The following PPP1R17 variants were observed in gnomAD, a reference collection of about 807,000 sequenced individuals.
The protein encoded by PPP1R17 is G-substrate.
In PPP1R17, 12 loss-of-function variants were observed where a neutral mutation model predicts 15.9. That is an observed-to-expected ratio of 0.75 (90% CI 0.48 to 1.22). The LOEUF (loss-of-function observed/expected upper bound fraction) is 1.22, where lower values mean the gene tolerates loss of function less well. Ranked by LOEUF, PPP1R17 falls within the 50% of genes most tolerant of loss-of-function variation. The pLI, the probability that PPP1R17 is intolerant of heterozygous loss-of-function variation, is 0.00. For synonymous variants in PPP1R17, 63 were observed against 64.5 expected, an observed-to-expected ratio of 0.98 and a Z score of 0.11; for missense variants, 211 against 187.3, an observed-to-expected ratio of 1.13 and a Z score of -0.74.
chr7:31,697,334 A>T (rs545690390), intron 4 of PPP1R17, among the ~76,000 whole-genome samples: 1 of 152,218 alleles, frequency 6.6e-6, no homozygotes, highest in Non-Finnish European at 1.5e-5. Flanking sequence ...GGGTCAGAGC[A>T]TTACTCATGC....
At chr7:31,688,650 T>C (rs1214114342) in intron 1 of PPP1R17, among the ~76,000 whole-genome samples, 6 of 152,246 alleles carry the variant, frequency 3.9e-5, no homozygotes, top group African/African-American at 1.4e-4. Flanking sequence ...CTGCTCTTAG[T>C]GGTATTTGCA....
intron 4 of PPP1R17, among the ~76,000 whole-genome samples, chr7:31,705,226 T>C (rs528796528): frequency 6.6e-6 from 1 of 152,232 alleles, no homozygotes; most frequent in Admixed American, 6.5e-5. Flanking sequence ...AAGGAGCAGA[T>C]TCTCATATGA....
At chr7:31,695,035 G>A (rs916661738) in intron 2 of PPP1R17, among the ~76,000 whole-genome samples, 1 of 152,142 alleles carries the variant, frequency 6.6e-6, no homozygotes, top group Non-Finnish European at 1.5e-5. Flanking sequence ...GAGGACCGAG[G>A]GAACCTTTCT....
In PPP1R17 at chr7:31,707,107, C is replaced by G. The variant is rs1292640770; in HGVS notation, c.389-97C>G. Reference sequence around the variant, plus strand: ...TAACCTTGTAGACACTAAGAGGTTTCTGGGTTGCCATGCTCCTTTGTACTG... The same window carrying G: ...TAACCTTGTAGACACTAAGAGGTTTGTGGGTTGCCATGCTCCTTTGTACTG... On this transcript the variant is annotated intron_variant, in intron 4 of 4. Transcript: ENST00000342032. 1.9e-5 allele frequency: 21 copies of G among 1,089,576 alleles called. 1 individual carries two copies. The South Asian group carries it at 3.1e-4, about 16-fold the overall frequency. 67.5% of individuals were successfully genotyped at this position (1,089,576 alleles called of 1,614,324 possible).
intron 4 of PPP1R17, among the ~76,000 whole-genome samples, chr7:31,703,501 AT>A (rs1327439682): frequency 1.3e-5 from 2 of 152,252 alleles, no homozygotes; most frequent in African/African-American, 4.8e-5. Context: ...AATTCCTTGA[AT>A]CAGCAAATCT....
chr7:31,701,120 T>A (rs1562702600), intron 4 of PPP1R17, among the ~76,000 whole-genome samples: 5 of 152,192 alleles, frequency 3.3e-5, no homozygotes. Flanking sequence ...TAGATAGTGA[T>A]CCCTCTGATG....
At chr7:31,696,943 C>A (rs1335774392) in intron 3 of PPP1R17, 22 bp from the exon 4 acceptor site, 4 of 1,610,996 alleles carry the variant, frequency 2.5e-6, no homozygotes, top group Non-Finnish European at 3.4e-6. Context: ...CTGTTTCTCT[C>A]TGTGTTCCCC....
At chr7:31,695,741 C>G (rs899999909) in intron 3 of PPP1R17, 120 bp downstream of exon 3, 2 of 950,906 alleles carry the variant, frequency 2.1e-6, no homozygotes, top group Non-Finnish European at 1.6e-6. Context: ...GCACTCCCCA[C>G]CTCTGTATCT....
intron 4 of PPP1R17, among the ~76,000 whole-genome samples, chr7:31,703,582 A>G (rs1274978916): frequency 9.2e-5 from 14 of 152,230 alleles, no homozygotes; most frequent in Non-Finnish European, 2.1e-4. Context: ...TAGCTGAAGT[A>G]CTTTATTTTT....
intron 1 of PPP1R17, 109 bp from the exon 2 acceptor site, chr7:31,692,297 G>A: frequency 1.6e-6 from 1 of 636,706 alleles, no homozygotes; most frequent in Non-Finnish European, 2.6e-6. Context: ...AAACAGGATT[G>A]GATTGGGAAC....
At chr7:31,691,850 T>C (rs1792367264) in intron 1 of PPP1R17, among the ~76,000 whole-genome samples, 1 of 146,748 alleles carries the variant, frequency 6.8e-6, no homozygotes, top group South Asian at 2.2e-4. Flanking sequence ...AACAGAAGCC[T>C]TATTCAATTC....
At chr7:31,707,115 C>A in intron 4 of PPP1R17, 89 bp from the exon 5 acceptor site, 3 of 1,199,098 alleles carry the variant, frequency 2.5e-6, no homozygotes, top group East Asian at 2.5e-5. Context: ...TTCTGGGTTG[C>A]CATGCTCCTT....
chr7:31,692,417 A>G lies in PPP1R17; in HGVS notation c.-25A>G. 1 of 1,560,684 alleles carries G rather than the reference A, an allele frequency of 6.4e-7. No individual in the cohort carries two copies. Among genetic ancestry groups the G allele is most frequent in the Non-Finnish European group, 8.8e-7 (1 of 1,132,374 alleles). ...TTATACTTCCTTAGTGCTGGAGAAG[A>G]AATACATCCACCCACCCTCCTTTGA... On this transcript the variant is annotated 5_prime_UTR_variant, in exon 2 of 5. Coordinates refer to ENST00000342032, the MANE Select transcript of PPP1R17 (RefSeq NM_006658.5).
intron 2 of PPP1R17, among the ~76,000 whole-genome samples, chr7:31,693,675 T>C (rs765554869): frequency 4.7e-4 from 72 of 152,270 alleles, no homozygotes; most frequent in Non-Finnish European, 9.1e-4. Flanking sequence ...TCAGAAAAGA[T>C]GTAATAAATG....
intron 2 of PPP1R17, among the ~76,000 whole-genome samples, chr7:31,694,739 AGAG>A (rs1792502598): frequency 6.6e-6 from 1 of 152,194 alleles, no homozygotes; most frequent in South Asian, 2.1e-4. Context: ...AAGAGGGAGC[AGAG>A]GAGAGACTTG....
At chr7:31,691,434 G>A (rs1792337044) in intron 1 of PPP1R17, among the ~76,000 whole-genome samples, 1 of 152,094 alleles carries the variant, frequency 6.6e-6, no homozygotes, top group Non-Finnish European at 1.5e-5. Flanking sequence ...TGCTATAGTA[G>A]GACATGAGTA....
intron 2 of PPP1R17, among the ~76,000 whole-genome samples, chr7:31,695,064 G>T (rs1192472985): frequency 6.6e-6 from 1 of 152,152 alleles, no homozygotes; most frequent in Non-Finnish European, 1.5e-5. Context: ...GGGAGATTTA[G>T]GTTCCATACT....
chr7:31,690,867 T>C (rs1392047236), intron 1 of PPP1R17, among the ~76,000 whole-genome samples: 1 of 152,212 alleles, frequency 6.6e-6, no homozygotes, highest in Non-Finnish European at 1.5e-5. Flanking sequence ...TTCTGAGGAA[T>C]GAATATTTTC....
In PPP1R17 at chr7:31,705,765, G is replaced by GGAGGCAGTGC. The variant is rs1793040750; in HGVS notation, c.389-1429_389-1420dup. ...GAAGGCGTCTCATTATGAGAAGGAA[G>GGAGGCAGTGC]GAGGCAGTGCGAGGCAGTGGTGGGG... On this transcript the variant is annotated intron_variant, in intron 4 of 4. Transcript: ENST00000342032. 3.9e-5 allele frequency among the ~76,000 whole-genome samples: 6 copies of GGAGGCAGTGC among 152,164 alleles called. No individual in the cohort carries two copies. In the South Asian group the frequency reaches 1.2e-3, roughly 32 times the overall value.
Sources: gnomAD v4.1 joint callset for allele counts (sites outside exome capture counted in the v4.1 genomes callset) on GRCh38, gnomAD v4.1.1 for gene constraint, MANE v1.5 for transcripts, NCBI Gene and HGNC (gene_info 2026-07-23, HGNC 2026-07-21) for gene names.